Variants in USP10 observed in about 807,000 individuals in gnomAD.
USP10 encodes ubiquitin specific peptidase 10, also known as ubiquitin carboxyl-terminal hydrolase 10.
A neutral mutation model predicts 84.5 loss-of-function variants in USP10; 22 were observed. The ratio of observed to expected loss-of-function variants is 0.26; its 90% CI spans 0.19 to 0.37. The LOEUF is 0.37. USP10 is among the 10% of genes least tolerant of loss of function. USP10 has a pLI of 1.00. For synonymous variants in USP10, 454 were observed against 387.6 expected, an observed-to-expected ratio of 1.17 and a Z score of -2.01; for missense variants, 1,019 against 998.9, an observed-to-expected ratio of 1.02 and a Z score of -0.27.
At chr16:84,715,528 G>C (rs1031212497) in intron 1 of USP10, among the ~76,000 whole-genome samples, 1 of 152,202 alleles carries the variant, frequency 6.6e-6, no homozygotes. Context: ...GAGCCAGTGA[G>C]TCCACCTGGG....
At chr16:84,731,000 A>G (rs1322536803) in intron 1 of USP10, among the ~76,000 whole-genome samples, 16 of 74,168 alleles carry the variant, frequency 2.2e-4, no homozygotes, top group African/African-American at 7.5e-4. Context: ...TTTTTTTTTG[A>G]CACGGAATCT....
intron 4 of USP10, among the ~76,000 whole-genome samples, chr16:84,748,422 G>C (rs922063070): frequency 2.6e-5 from 4 of 151,850 alleles, no homozygotes; most frequent in African/African-American, 9.7e-5. Context: ...TCCTGCCTCA[G>C]CCTCCCTAGT....
intron 2 of USP10, among the ~76,000 whole-genome samples, chr16:84,735,238 G>GTGTGTGT (rs1567612953): frequency 1.5e-5 from 2 of 134,644 alleles, no homozygotes; most frequent in African/African-American, 5.3e-5. Flanking sequence ...TGTGTGTGTG[G>GTGTGTGT]TGTGTGTGTT....
At chr16:84,736,285 C>T (rs777536524) in intron 2 of USP10, among the ~76,000 whole-genome samples, 120 of 152,226 alleles carry the variant, frequency 7.9e-4, no homozygotes, top group Admixed American at 2.2e-3. Context: ...CTACTTGGGG[C>T]CATGAATTGA....
At chr16:84,742,174 C>G (rs1465187272) in intron 3 of USP10, among the ~76,000 whole-genome samples, 1 of 152,164 alleles carries the variant, frequency 6.6e-6, no homozygotes, top group Non-Finnish European at 1.5e-5. Flanking sequence ...ATAATCACAT[C>G]AAGGTGAATG....
At chr16:84,717,224 G>A (rs549424093) in intron 1 of USP10, among the ~76,000 whole-genome samples, 2 of 152,020 alleles carry the variant, frequency 1.3e-5, no homozygotes, top group Non-Finnish European at 2.9e-5. Flanking sequence ...GAAATCATAC[G>A]CAGAAATGTG....
chr16:84,733,185 T>G, intron 1 of USP10: 1 of 556,470 alleles, frequency 1.8e-6, no homozygotes, highest in Non-Finnish European at 3.4e-6. Flanking sequence ...GCATACAAAA[T>G]TGATTTGTTT....
At position 84,759,344 on chromosome 16, in the gene USP10, C is replaced by T; in HGVS notation, c.1285-19C>T. ...GTGTCTGTTCATTTCCTTTACGCTT[C>T]CTTACTGCCACTACATAGACACTGC... On this transcript the variant is annotated intron_variant, in intron 5 of 13. Coordinates refer to ENST00000219473, the MANE Select transcript of USP10 (RefSeq NM_005153.3). The T allele has an allele frequency of 6.2e-7, 1 of 1,610,662 alleles. No homozygotes were observed. Among genetic ancestry groups the T allele is most frequent in the Non-Finnish European group, 8.5e-7 (1 of 1,176,892 alleles).
intron 1 of USP10, among the ~76,000 whole-genome samples, chr16:84,720,375 A>G (rs1907622604): frequency 6.6e-6 from 1 of 152,110 alleles, no homozygotes; most frequent in Non-Finnish European, 1.5e-5. Context: ...CTGTTTAATG[A>G]AATACTATAG....
At chr16:84,777,298 A>G (rs564422634) in intron 13 of USP10, among the ~76,000 whole-genome samples, 1 of 152,160 alleles carries the variant, frequency 6.6e-6, no homozygotes, top group Non-Finnish European at 1.5e-5. Context: ...TAGAATGGAG[A>G]TGTCTTGTGG....
chr16:84,760,034 G>A (rs1301047205), intron 7 of USP10, 88 bp downstream of exon 7: 1 of 1,545,872 alleles, frequency 6.5e-7, no homozygotes, highest in South Asian at 1.1e-5. Flanking sequence ...AGTCTTGTTG[G>A]GAAGATAGTG....
chr16:84,762,391 T>C (rs1913310095), intron 8 of USP10, among the ~76,000 whole-genome samples: 1 of 152,156 alleles, frequency 6.6e-6, no homozygotes, highest in African/African-American at 2.4e-5. Context: ...AATAACTTTT[T>C]TGTGATAAAG....
At chr16:84,710,081 C>T (rs1419062374) in intron 1 of USP10, among the ~76,000 whole-genome samples, 1 of 152,016 alleles carries the variant, frequency 6.6e-6, no homozygotes, top group Non-Finnish European at 1.5e-5. Flanking sequence ...ACCAGTCTGG[C>T]CAACATGCTG....
intron 1 of USP10, 107 bp downstream of exon 1, chr16:84,700,218 G>A (rs948985381): frequency 7.7e-6 from 7 of 909,048 alleles, no homozygotes; most frequent in Non-Finnish European, 9.6e-6. Context: ...GTGTGGGAGT[G>A]GGGGAGGGCG....
chr16:84,742,110 G>GTGTATA (rs1323282162), intron 3 of USP10, among the ~76,000 whole-genome samples: 2 of 152,016 alleles, frequency 1.3e-5, no homozygotes, highest in Admixed American at 6.5e-5. Context: ...TACATAATAG[G>GTGTATA]TGTATATATG....
At chr16:84,741,878 C>G (rs1391969339) in intron 3 of USP10, among the ~76,000 whole-genome samples, 1 of 152,180 alleles carries the variant, frequency 6.6e-6, no homozygotes, top group Non-Finnish European at 1.5e-5. Flanking sequence ...ATGGCAGGAT[C>G]CATTTCTCTG....
At chr16:84,772,136 C>G (rs912088037) in intron 11 of USP10, among the ~76,000 whole-genome samples, 1 of 152,158 alleles carries the variant, frequency 6.6e-6, no homozygotes, top group African/African-American at 2.4e-5. Context: ...ACTGCAACGT[C>G]TACCTCCTGG....
intron 1 of USP10, among the ~76,000 whole-genome samples, chr16:84,719,440 T>C (rs1907497848): frequency 6.6e-6 from 1 of 152,200 alleles, no homozygotes; most frequent in South Asian, 2.1e-4. Flanking sequence ...TTTAAAATGC[T>C]AAATGAGGCC....
At chr16:84,708,375 G>A (rs992179864) in intron 1 of USP10, among the ~76,000 whole-genome samples, 2 of 152,148 alleles carry the variant, frequency 1.3e-5, no homozygotes, top group African/African-American at 2.4e-5. Context: ...GCTTGAACCC[G>A]TGGGGGCAGA....
Sources: gnomAD v4.1 joint callset for allele counts (sites outside exome capture counted in the v4.1 genomes callset) on GRCh38, gnomAD v4.1.1 for gene constraint, MANE v1.5 for transcripts, NCBI Gene and HGNC (gene_info 2026-07-23, HGNC 2026-07-21) for gene names.